The following TRIM2 variants were observed in gnomAD, a reference collection of about 807,000 sequenced individuals.
The protein encoded by TRIM2 is tripartite motif containing 2, also known as tripartite motif-containing protein 2.
In TRIM2, 20 loss-of-function variants were observed where a neutral mutation model predicts 75.2. The observed-to-expected ratio is 0.27, with a 90% confidence interval of 0.19 to 0.39. The LOEUF (loss-of-function observed/expected upper bound fraction) is 0.39. Ranked by LOEUF, TRIM2 falls within the 10% of genes least tolerant of loss-of-function variation. The pLI is 1.00. For missense variants in TRIM2, 660 were observed against 990.8 expected, an observed-to-expected ratio of 0.67 and a Z score of 4.48; for synonymous variants, 373 against 388.3, an observed-to-expected ratio of 0.96 and a Z score of 0.46.
chr4:153,325,173 TGCATCCTGGAGA>T (rs1413025795), intron 10 of TRIM2, among the ~76,000 whole-genome samples: 3 of 152,226 alleles, frequency 2.0e-5, no homozygotes, highest in Non-Finnish European at 2.9e-5. Flanking sequence ...ATGTCCTTTC[TGCATCCTGGAGA>T]GCCTCTAACC....
At chr4:153,301,608 G>A (rs1301178975) in intron 6 of TRIM2, among the ~76,000 whole-genome samples, 1 of 152,132 alleles carries the variant, frequency 6.6e-6, no homozygotes, top group Non-Finnish European at 1.5e-5. Flanking sequence ...TCTGCTAGTG[G>A]TTTTACAGTT....
intron 1 of TRIM2, 36 bp downstream of exon 1, chr4:153,204,596 C>G: frequency 4.5e-6 from 7 of 1,551,574 alleles, no homozygotes; most frequent in Non-Finnish European, 6.1e-6. Flanking sequence ...AATTCTTTTT[C>G]TGGGCCAGCT....
rs369047484 is a variant in TRIM2 at position 153,308,629 on chromosome 4, GC to G, written c.1511-6854del. ...CTCATCCACACCTTTGGTCTTGATG[GC>G]CATTTCAATGTTCAAAGCATCCTGC... On this transcript the variant is annotated intron_variant, in intron 6 of 11. Transcript: ENST00000338700. 67 of 617,976 alleles carry G rather than the reference GC, an allele frequency of 1.1e-4. No individual in the cohort carries two copies. In the African/African-American group the frequency reaches 1.1e-3, roughly 10 times the overall value. The allele number at this position is 617,976 out of a possible 1,614,324, so 38.3% of individuals were successfully genotyped here. A position where few individuals can be genotyped will look rare whatever the true frequency, so the allele number is the denominator to read the frequency against.
intron 1 of TRIM2, among the ~76,000 whole-genome samples, chr4:153,257,929 TA>T (rs1752477585): frequency 6.6e-6 from 1 of 152,182 alleles, no homozygotes; most frequent in Non-Finnish European, 1.5e-5. Flanking sequence ...GGCACCAAAT[TA>T]ACAAGTATGG....
chr4:153,273,270 C>CATTTTTTTTTTTTTT (rs1757187818), intron 2 of TRIM2, among the ~76,000 whole-genome samples: 6 of 57,392 alleles, frequency 1.0e-4, no homozygotes, highest in African/African-American at 4.2e-4. Context: ...TACAGTCACT[C>CATTTTTTTTTTTTTT]TTTTTTTTTT....
chr4:153,307,203 T>A (rs1410901714), intron 6 of TRIM2, among the ~76,000 whole-genome samples: 1 of 152,178 alleles, frequency 6.6e-6, no homozygotes, highest in Non-Finnish European at 1.5e-5. Flanking sequence ...CTAGAAACCA[T>A]GAGCTGGTTT....
chr4:153,159,927 T>C (rs139542401), intron 1 of TRIM2, among the ~76,000 whole-genome samples: 21 of 152,334 alleles, frequency 1.4e-4, no homozygotes, highest in Non-Finnish European at 2.8e-4. Context: ...CGTAGGATCG[T>C]CTATTTCCAT....
At chr4:153,159,296 CTTTTTTT>C (rs11318531) in intron 1 of TRIM2, among the ~76,000 whole-genome samples, 1 of 89,160 alleles carries the variant, frequency 1.1e-5, no homozygotes. Flanking sequence ...TTTACAAAAT[CTTTTTTT>C]TTTTTTTTTT....
intron 1 of TRIM2, among the ~76,000 whole-genome samples, chr4:153,160,474 G>C (rs1025272749): frequency 1.3e-5 from 2 of 152,182 alleles, no homozygotes; most frequent in Non-Finnish European, 2.9e-5. Context: ...GGGACTCACT[G>C]TGTTGTCCAG....
intron 1 of TRIM2, among the ~76,000 whole-genome samples, chr4:153,207,238 G>A (rs767551094): frequency 6.6e-6 from 1 of 152,064 alleles, no homozygotes; most frequent in Admixed American, 6.5e-5. Context: ...TGTAAAATTC[G>A]CTAAATTCCA....
At chr4:153,323,548 C>A (rs373900239) in intron 9 of TRIM2, among the ~76,000 whole-genome samples, 26 of 152,174 alleles carry the variant, frequency 1.7e-4, no homozygotes, top group African/African-American at 6.0e-4. Context: ...GTGGCGTGAT[C>A]TCAGCTCACT....
intron 1 of TRIM2, among the ~76,000 whole-genome samples, chr4:153,255,936 G>A (rs548949137): frequency 3.1e-4 from 47 of 152,276 alleles, no homozygotes; most frequent in African/African-American, 1.0e-3. Flanking sequence ...AGGACTGTGG[G>A]GATGTGATGT....
At chr4:153,213,458 G>A (rs1203965948) in intron 1 of TRIM2, among the ~76,000 whole-genome samples, 1 of 152,098 alleles carries the variant, frequency 6.6e-6, no homozygotes, top group African/African-American at 2.4e-5. Context: ...CAAAGTGATG[G>A]GCTCTGTTTC....
intron 10 of TRIM2, among the ~76,000 whole-genome samples, chr4:153,324,756 A>G (rs1453101644): frequency 1.3e-5 from 2 of 152,242 alleles, no homozygotes; most frequent in Non-Finnish European, 2.9e-5. Flanking sequence ...TCACTTACTG[A>G]AATGATGAGG....
chr4:153,211,552 A>G (rs1254755933), intron 1 of TRIM2, among the ~76,000 whole-genome samples: 1 of 150,508 alleles, frequency 6.6e-6, no homozygotes, highest in Admixed American at 6.6e-5. Context: ...CAGTGGTGCA[A>G]TCATGGCTCA....
Position 153,286,518 on chromosome 4 carries a change from A to G in TRIM2, c.454-6464A>G, listed in dbSNP as rs552207687. 2.0e-5 allele frequency among the ~76,000 whole-genome samples: 3 copies of G among 152,306 alleles called. No homozygotes were observed. In the South Asian group the frequency reaches 6.2e-4, roughly 32 times the overall value. On this transcript the variant is annotated intron_variant, in intron 3 of 11. Transcript: ENST00000338700. Reference sequence around the variant, plus strand: ...CAATCTCCTTACATATTACAGGTCTATTCAGACTTTGTATTTCTTCATGTC... The same window carrying G: ...CAATCTCCTTACATATTACAGGTCTGTTCAGACTTTGTATTTCTTCATGTC...
At chr4:153,273,099 A>G (rs1281677278) in intron 2 of TRIM2, among the ~76,000 whole-genome samples, 1 of 151,862 alleles carries the variant, frequency 6.6e-6, no homozygotes, top group African/African-American at 2.4e-5. Flanking sequence ...GGCCTCCCAA[A>G]GAGCAGGGAT....
chr4:153,318,041 A>C lies in TRIM2; in HGVS notation c.1782+2042A>C, dbSNP rs139610753. 3.3e-4 allele frequency among the ~76,000 whole-genome samples: 50 copies of C among 152,366 alleles called. 1 individual carries two copies. The East Asian group carries it at 8.5e-3, about 26-fold the overall frequency. On this transcript the variant is annotated intron_variant, in intron 8 of 11. Coordinates refer to ENST00000338700, the MANE Select transcript of TRIM2 (RefSeq NM_015271.5). ...TGTGCCACATACAAAATAAGGATCT[A>C]AGAAATGAATGTTCTTTTCCATGCC...
At chr4:153,300,733 C>A (rs894041464) in intron 6 of TRIM2, among the ~76,000 whole-genome samples, 1 of 151,988 alleles carries the variant, frequency 6.6e-6, no homozygotes, top group Non-Finnish European at 1.5e-5. Context: ...CCATGTTGGC[C>A]AGGATGGTCT....
Sources: gnomAD v4.1 joint callset for allele counts (sites outside exome capture counted in the v4.1 genomes callset) on GRCh38, gnomAD v4.1.1 for gene constraint, MANE v1.5 for transcripts, NCBI Gene and HGNC (gene_info 2026-07-23, HGNC 2026-07-21) for gene names.